ACTA2: variants seen among roughly 807,000 people sequenced by gnomAD.
ACTA2 encodes actin alpha 2, smooth muscle.
ACTA2 carries 12 observed loss-of-function variants against 39.5 expected under a neutral mutation model. The observed-to-expected ratio is 0.30, with a 90% CI of 0.19 to 0.49. The LOEUF (loss-of-function observed/expected upper bound fraction) is 0.49. Ranked by LOEUF, ACTA2 falls within the 20% of genes least tolerant of loss-of-function variation. The pLI is 0.99. For synonymous variants in ACTA2, 158 were observed against 180.6 expected, an observed-to-expected ratio of 0.88 and a Z score of 1.00; for missense variants, 236 against 498.8, an observed-to-expected ratio of 0.47 and a Z score of 5.02.
intron 1 of ACTA2, among the ~76,000 whole-genome samples, chr10:88,967,515 G>C (rs1027790214): frequency 1.3e-5 from 2 of 152,108 alleles, no homozygotes; most frequent in Non-Finnish European, 2.9e-5. Flanking sequence ...CTATTCCTCA[G>C]CACTAACCCA....
chr10:88,935,503 C>T, intron 8 of ACTA2, 137 bp from the exon 9 acceptor site: 1 of 939,604 alleles, frequency 1.1e-6, no homozygotes, highest in Admixed American at 1.9e-5. Context: ...TGTTAGATGC[C>T]AATTGTGTCC....
intron 1 of ACTA2, among the ~76,000 whole-genome samples, chr10:88,976,872 C>T (rs1385835977): frequency 4.6e-5 from 7 of 152,192 alleles, no homozygotes. Flanking sequence ...ATTAGAGCTT[C>T]TTAGAGGCTC....
At chr10:88,939,909 A>C in intron 6 of ACTA2, 1 of 598,408 alleles carries the variant, frequency 1.7e-6, no homozygotes, top group Non-Finnish European at 3.0e-6. Context: ...CATGCATAGT[A>C]GGCCCTCAGC....
At chr10:88,985,664 C>G (rs1846859896) in intron 1 of ACTA2, among the ~76,000 whole-genome samples, 1 of 152,226 alleles carries the variant, frequency 6.6e-6, no homozygotes, top group African/African-American at 2.4e-5. Flanking sequence ...CCATCCCACT[C>G]CCTGGCACTA....
chr10:88,991,316 C>T, exon 1 of ACTA2: 1 of 358,706 alleles, frequency 2.8e-6, no homozygotes, highest in East Asian at 5.4e-5. Context: ...CCTGGACAAG[C>T]CCTGACAAGC....
chr10:88,941,660 G>C (rs1304197878), intron 5 of ACTA2, 125 bp downstream of exon 5: 6 of 939,000 alleles, frequency 6.4e-6, no homozygotes, highest in Middle Eastern at 3.1e-4. Flanking sequence ...AGATCTTTTA[G>C]GGCTGGGTTC....
chr10:88,965,396 C>T (rs947954667), intron 1 of ACTA2, among the ~76,000 whole-genome samples: 6 of 152,082 alleles, frequency 3.9e-5, no homozygotes, highest in African/African-American at 1.4e-4. Context: ...AGAAAGTTTC[C>T]CTAATTTATT....
intron 6 of ACTA2, chr10:88,940,041 GTTATAA>G (rs1845819679): frequency 6.0e-6 from 2 of 331,916 alleles, no homozygotes. Flanking sequence ...ACTACTCTGT[GTTATAA>G]TTATTTTATG....
chr10:88,974,246 T>C (rs954657288), intron 1 of ACTA2: 1 of 149,292 alleles, frequency 6.7e-6, no homozygotes, highest in Non-Finnish European at 1.5e-5. Context: ...CTTGACTCTT[T>C]GGTGAAAAAA....
chr10:88,980,242 A>G (rs1231815661), intron 1 of ACTA2, among the ~76,000 whole-genome samples: 1 of 152,112 alleles, frequency 6.6e-6, no homozygotes, highest in Non-Finnish European at 1.5e-5. Flanking sequence ...TACAACTAAG[A>G]AGTCAGGGCA....
At chr10:88,959,431 G>A (rs1257210465) in intron 1 of ACTA2, among the ~76,000 whole-genome samples, 3 of 152,088 alleles carry the variant, frequency 2.0e-5, no homozygotes, top group Non-Finnish European at 4.4e-5. Context: ...GACTGCATCA[G>A]AATCAACAGA....
intron 3 of ACTA2, among the ~76,000 whole-genome samples, chr10:88,946,404 TTTC>T (rs781758305): frequency 1.3e-5 from 2 of 151,932 alleles, no homozygotes; most frequent in South Asian, 2.1e-4. Context: ...GCAGGATTTT[TTTC>T]TTCTTTTTTT....
chr10:88,967,793 A>T (rs1029153110), intron 1 of ACTA2, among the ~76,000 whole-genome samples: 2 of 152,240 alleles, frequency 1.3e-5, no homozygotes, highest in Non-Finnish European at 2.9e-5. Flanking sequence ...TGGCTCACAC[A>T]CCAGAACTCA....
rs1440834248 is a variant in ACTA2, at chr10:88,938,410, A to C, written c.809-168T>G. On this transcript the variant is annotated intron_variant, in intron 7 of 8. Transcript: ENST00000224784. ...AGACAAAAGGGTCTTGTTATGCTCT[A>C]TGTCTTCCTGCCTGCCTTCTAATGA... 6 of 723,932 alleles carry C rather than the reference A, an allele frequency of 8.3e-6. No individual in the cohort carries two copies. In the Admixed American group the frequency reaches 1.4e-4, roughly 16 times the overall value. The allele number at this position is 723,932 out of a possible 1,614,324, so 44.8% of individuals were successfully genotyped here. A position where few individuals can be genotyped will look rare whatever the true frequency, so the allele number is the denominator to read the frequency against.
chr10:88,962,936 TA>T (rs1564653448), intron 1 of ACTA2, among the ~76,000 whole-genome samples: 6 of 12,128 alleles, frequency 4.9e-4, no homozygotes, highest in African/African-American at 3.6e-3. Flanking sequence ...TATATATATA[TA>T]TATATATATA....
At chr10:88,985,612 T>C (rs930251981) in intron 1 of ACTA2, among the ~76,000 whole-genome samples, 2 of 152,198 alleles carry the variant, frequency 1.3e-5, no homozygotes, top group African/African-American at 2.4e-5. Context: ...CAGCCTTTTC[T>C]AACAGGGAAA....
intron 1 of ACTA2, among the ~76,000 whole-genome samples, chr10:88,964,040 T>C (rs1166632478): frequency 6.6e-6 from 1 of 152,030 alleles, no homozygotes; most frequent in Non-Finnish European, 1.5e-5. Flanking sequence ...TTTAGTTTCA[T>C]ATGTTTTTAT....
intron 1 of ACTA2, among the ~76,000 whole-genome samples, chr10:88,964,153 CA>C (rs1415971046): frequency 1.3e-5 from 2 of 151,788 alleles, no homozygotes; most frequent in African/African-American, 4.8e-5. Flanking sequence ...TTTAGTTTCA[CA>C]TATTTTGCAT....
chr10:88,962,912 CATAT>C (rs60878394), intron 1 of ACTA2, among the ~76,000 whole-genome samples: 37 of 101,524 alleles, frequency 3.6e-4, no homozygotes, highest in South Asian at 1.0e-3. Flanking sequence ...GGGAATGCCC[CATAT>C]ATATATATAT....
Sources: gnomAD v4.1 joint callset for allele counts (sites outside exome capture counted in the v4.1 genomes callset) on GRCh38, gnomAD v4.1.1 for gene constraint, MANE v1.5 for transcripts, NCBI Gene and HGNC (gene_info 2026-07-23, HGNC 2026-07-21) for gene names.